The following PTPRD variants were observed in gnomAD, a reference collection of about 807,000 sequenced individuals.
PTPRD encodes the protein receptor-type tyrosine-protein phosphatase delta.
A neutral mutation model predicts 214.5 loss-of-function variants in PTPRD; 34 were observed. The observed-to-expected ratio is 0.16, with a 90% CI of 0.12 to 0.21. The LOEUF (loss-of-function observed/expected upper bound fraction) is 0.21. Among genes scored for constraint, PTPRD ranks in the 10% least tolerant of loss-of-function variants. PTPRD has a pLI of 1.00. For synonymous variants in PTPRD, 1,128 were observed against 845.7 expected, an observed-to-expected ratio of 1.33 and a Z score of -5.79; for missense variants, 2,545 against 2,398.7, an observed-to-expected ratio of 1.06 and a Z score of -1.27.
In PTPRD at chr9:8,521,513, G is replaced by A. The variant is rs139719908; in HGVS notation, c.725C>T (p.Pro242Leu). Residue 242 changes from proline to leucine, a missense_variant, in exon 20 of 46, where the codon CCC becomes CTC. Physicochemically the swap from Pro to Leu is moderately conservative, Grantham distance 98. Transcript: ENST00000381196. ...GCCTGGCATGATTTCATGATTAGTG[G>A]GTGGGATAGAGAATCTTGGTGGGAC... ...RRVPPRFSIP[P>L]TNHEIMPGGS... 3.4e-4 allele frequency: 551 copies of A among 1,613,902 alleles called. No individual in the cohort carries two copies. The highest frequency in any genetic ancestry group is 4.2e-4 in the Non-Finnish European group (493 of 1,179,882).
Position 9,321,240 on chromosome 9 carries a change from T to C in PTPRD, c.-203+76209A>G, listed in dbSNP as rs539975409. On this transcript the variant is annotated intron_variant, in intron 9 of 45. Coordinates refer to ENST00000381196, the MANE Select transcript of PTPRD (RefSeq NM_002839.4). Reference sequence around the variant, plus strand: ...GCCCTAAAGACATTTAAAAGTTATCTCCAAAGCTCAGAATTCATTAAAGGA... The same window carrying C: ...GCCCTAAAGACATTTAAAAGTTATCCCCAAAGCTCAGAATTCATTAAAGGA... Among the ~76,000 whole-genome samples, 20 of 152,248 alleles carry C rather than the reference T, an allele frequency of 1.3e-4. 2 individuals are homozygous for C. Among genetic ancestry groups the C allele is most frequent in the African/African-American group, 4.8e-4 (20 of 41,558 alleles).
chr9:8,347,392 G>A (rs1025824869), intron 39 of PTPRD, among the ~76,000 whole-genome samples: 4 of 152,084 alleles, frequency 2.6e-5, no homozygotes, highest in Admixed American at 6.6e-5. Context: ...CCTACCATGT[G>A]CTGAGACATC....
At chr9:8,371,583 A>C (rs2081540186) in intron 39 of PTPRD, among the ~76,000 whole-genome samples, 1 of 152,046 alleles carries the variant, frequency 6.6e-6, no homozygotes, top group African/African-American at 2.4e-5. Context: ...CTACAAGATA[A>C]AGCAATGTCA....
chr9:9,645,153 C>A (rs765772821), intron 7 of PTPRD, among the ~76,000 whole-genome samples: 16 of 152,202 alleles, frequency 1.1e-4, no homozygotes, highest in Non-Finnish European at 1.6e-4. Flanking sequence ...TGCTCACCTG[C>A]GTGCTTGCCC....
chr9:10,542,797 C>T (rs926235308), intron 2 of PTPRD, among the ~76,000 whole-genome samples: 1 of 152,140 alleles, frequency 6.6e-6, no homozygotes, highest in Non-Finnish European at 1.5e-5. Context: ...TGGCTCACCA[C>T]AACCTCCGCC....
chr9:10,207,972 A>C (rs2099492426), intron 3 of PTPRD, among the ~76,000 whole-genome samples: 2 of 152,166 alleles, frequency 1.3e-5, no homozygotes, highest in African/African-American at 4.8e-5. Context: ...TTCCTTGGAG[A>C]AGCTTTGTAT....
chr9:9,192,822 A>G (rs2099936067), intron 9 of PTPRD, among the ~76,000 whole-genome samples: 1 of 152,118 alleles, frequency 6.6e-6, no homozygotes, highest in African/African-American at 2.4e-5. Flanking sequence ...TCAACTGTTA[A>G]TAAATATCAG....
chr9:10,182,190 G>T (rs1310512768), intron 3 of PTPRD, among the ~76,000 whole-genome samples: 1 of 143,866 alleles, frequency 7.0e-6, no homozygotes, highest in African/African-American at 2.6e-5. Context: ...AACTAGGGAG[G>T]CAGAGGTTGC....
At chr9:8,507,237 C>G in intron 22 of PTPRD, 64 bp downstream of exon 22, 1 of 1,557,704 alleles carries the variant, frequency 6.4e-7, no homozygotes, top group Non-Finnish European at 8.7e-7. Flanking sequence ...GATAAATACA[C>G]AAAAATAAAA....
chr9:9,526,203 T>C (rs970836293), intron 8 of PTPRD, among the ~76,000 whole-genome samples: 1 of 152,206 alleles, frequency 6.6e-6, no homozygotes, highest in African/African-American at 2.4e-5. Context: ...ACTCTGATAT[T>C]GTAATGGCAA....
At chr9:8,985,131 G>A (rs1486252527) in intron 11 of PTPRD, among the ~76,000 whole-genome samples, 1 of 151,992 alleles carries the variant, frequency 6.6e-6, no homozygotes, top group Admixed American at 6.6e-5. Flanking sequence ...CAGTAAATAT[G>A]AGCATATTTA....
intron 8 of PTPRD, among the ~76,000 whole-genome samples, chr9:9,405,446 T>A (rs1448959560): frequency 1.3e-5 from 2 of 151,978 alleles, no homozygotes; most frequent in African/African-American, 4.8e-5. Flanking sequence ...ATCATTAGAA[T>A]CCCTTTAATC....
chr9:9,573,146 A>G (rs1187595509), intron 8 of PTPRD, among the ~76,000 whole-genome samples: 1 of 151,764 alleles, frequency 6.6e-6, no homozygotes, highest in Non-Finnish European at 1.5e-5. Context: ...CTATTCACAG[A>G]GTTGAATACT....
At chr9:10,150,554 T>G (rs941810938) in intron 3 of PTPRD, among the ~76,000 whole-genome samples, 2 of 151,858 alleles carry the variant, frequency 1.3e-5, no homozygotes, top group African/African-American at 4.8e-5. Context: ...GAGATATACC[T>G]AATGTAACTG....
chr9:9,177,977 AAG>A (rs1304775679), intron 10 of PTPRD, among the ~76,000 whole-genome samples: 5 of 152,250 alleles, frequency 3.3e-5, no homozygotes, highest in Admixed American at 2.6e-4. Flanking sequence ...TGTGCTGGGA[AAG>A]AGAGATCAGA....
At chr9:10,538,238 TAAAATAAA>T (rs1425067015) in intron 2 of PTPRD, among the ~76,000 whole-genome samples, 7 of 108,220 alleles carry the variant, frequency 6.5e-5, no homozygotes, top group Non-Finnish European at 7.3e-5. Flanking sequence ...AGCCTCATCA[TAAAATAAA>T]TAAATAAATA....
At chr9:9,303,135 T>A (rs1956038530) in intron 9 of PTPRD, among the ~76,000 whole-genome samples, 1 of 151,984 alleles carries the variant, frequency 6.6e-6, no homozygotes. Context: ...AATTTGGAAA[T>A]AAACTGAATG....
chr9:10,030,002 C>T (rs1484887415), intron 4 of PTPRD, among the ~76,000 whole-genome samples: 1 of 152,106 alleles, frequency 6.6e-6, no homozygotes, highest in Non-Finnish European at 1.5e-5. Flanking sequence ...CTCATAAGAT[C>T]TGATGGTTTT....
intron 10 of PTPRD, among the ~76,000 whole-genome samples, chr9:9,106,506 C>G (rs1001185488): frequency 2.0e-5 from 3 of 149,422 alleles, no homozygotes. Context: ...CCAGGCGATC[C>G]GACTTTAGAG....
Sources: gnomAD v4.1 joint callset for allele counts (sites outside exome capture counted in the v4.1 genomes callset) on GRCh38, gnomAD v4.1.1 for gene constraint, MANE v1.5 for transcripts, NCBI Gene and HGNC (gene_info 2026-07-23, HGNC 2026-07-21) for gene names.